Variants in DLGAP2 observed in about 807,000 individuals in gnomAD.
DLGAP2 encodes the protein disks large-associated protein 2.
DLGAP2 carries 26 observed loss-of-function variants against 100.3 expected under a neutral mutation model. The observed-to-expected ratio is 0.26, with a 90% CI of 0.19 to 0.36. The LOEUF is 0.36. Among genes scored for constraint, DLGAP2 ranks in the 10% least tolerant of loss-of-function variants. DLGAP2 has a pLI of 1.00. For synonymous variants in DLGAP2, 886 were observed against 630.1 expected, an observed-to-expected ratio of 1.41 and a Z score of -6.08; for missense variants, 1,858 against 1,453.2, an observed-to-expected ratio of 1.28 and a Z score of -4.53.
At chr8:1,322,907 A>G (rs145326027) in intron 3 of DLGAP2, among the ~76,000 whole-genome samples, 1 of 152,144 alleles carries the variant, frequency 6.6e-6, no homozygotes, top group East Asian at 1.9e-4. Context: ...CTATTATCGG[A>G]GTGTCTGCCT....
chr8:1,519,781 C>T (rs907430978), intron 4 of DLGAP2, among the ~76,000 whole-genome samples: 5 of 152,278 alleles, frequency 3.3e-5, no homozygotes, highest in African/African-American at 1.2e-4. Flanking sequence ...GGGGACCTGG[C>T]CCTGTGCTGC....
intron 1 of DLGAP2, among the ~76,000 whole-genome samples, chr8:746,674 C>T (rs1186398615): frequency 6.6e-6 from 1 of 152,230 alleles, no homozygotes; most frequent in African/African-American, 2.4e-5. Flanking sequence ...TTTTGATTTT[C>T]TGTTTTTGTT....
At chr8:1,603,197 C>A (rs10098115) in intron 6 of DLGAP2, among the ~76,000 whole-genome samples, 48,706 of 135,196 alleles carry the variant, frequency 0.36, 8,968 homozygotes, top group Non-Finnish European at 0.41. Context: ...GGCTGGGTCT[C>A]AGTTCTGCAG....
At chr8:1,488,374 C>A (rs1223264571) in intron 3 of DLGAP2, among the ~76,000 whole-genome samples, 1 of 152,150 alleles carries the variant, frequency 6.6e-6, no homozygotes, top group African/African-American at 2.4e-5. Context: ...TGGCAGGTCT[C>A]TTTTCCAAGC....
intron 2 of DLGAP2, among the ~76,000 whole-genome samples, chr8:1,187,742 C>G (rs1166210304): frequency 2.1e-5 from 3 of 142,142 alleles, no homozygotes; most frequent in Non-Finnish European, 4.5e-5. Context: ...CCGAGACTTC[C>G]GTGACGTTTC....
intron 2 of DLGAP2, among the ~76,000 whole-genome samples, chr8:1,210,631 C>G: frequency 6.6e-6 from 1 of 152,156 alleles, no homozygotes. Flanking sequence ...GGGCCTAGTT[C>G]CCTCTTGCCA....
intron 1 of DLGAP2, among the ~76,000 whole-genome samples, chr8:809,434 G>A (rs1796327704): frequency 6.7e-6 from 1 of 150,262 alleles, no homozygotes. Context: ...AACGTGCTTA[G>A]GGTAAGTACT....
rs539337091 is a variant in DLGAP2, at chr8:1,295,325, C to T, written c.106+36442C>T. ...TTGAAGATGACAGAGCCTTAAAAACCGAGCTTCCTGGTGACCGTGGGCCCG... is the reference window on the plus strand; with the variant it reads ...TTGAAGATGACAGAGCCTTAAAAACTGAGCTTCCTGGTGACCGTGGGCCCG... On this transcript the variant is annotated intron_variant, in intron 3 of 14. Transcript: ENST00000637795. 4.6e-5 allele frequency among the ~76,000 whole-genome samples: 7 copies of T among 152,340 alleles called. No individual in the cohort carries two copies. The East Asian group carries it at 9.6e-4, about 21-fold the overall frequency.
At chr8:1,126,807 C>T (rs540832558) in intron 2 of DLGAP2, among the ~76,000 whole-genome samples, 1 of 152,106 alleles carries the variant, frequency 6.6e-6, no homozygotes, top group South Asian at 2.1e-4. Flanking sequence ...TCTGGAGACT[C>T]CCACGGGCTC....
At chr8:943,423 G>A (rs771117939) in intron 2 of DLGAP2, among the ~76,000 whole-genome samples, 4 of 152,254 alleles carry the variant, frequency 2.6e-5, no homozygotes, top group Non-Finnish European at 5.9e-5. Context: ...TGCGGCACCC[G>A]CGTGTCTGGT....
At chr8:886,720 A>G (rs553912668) in intron 1 of DLGAP2, among the ~76,000 whole-genome samples, 3 of 152,318 alleles carry the variant, frequency 2.0e-5, no homozygotes, top group Admixed American at 6.5e-5. Context: ...ATTTGATTGC[A>G]CTGTGGTCTG....
At chr8:1,549,949 C>T (rs902878597) in intron 5 of DLGAP2, among the ~76,000 whole-genome samples, 3 of 152,152 alleles carry the variant, frequency 2.0e-5, no homozygotes, top group Non-Finnish European at 2.9e-5. Context: ...CTGCAGTTAC[C>T]GTGCTGGCCA....
chr8:1,009,026 A>G (rs112909023), intron 2 of DLGAP2, among the ~76,000 whole-genome samples: 2 of 152,114 alleles, frequency 1.3e-5, no homozygotes, highest in African/African-American at 4.8e-5. Context: ...CTTCCCACCC[A>G]TGGGATTTCC....
At chr8:1,150,650 A>T (rs1034793486) in intron 2 of DLGAP2, among the ~76,000 whole-genome samples, 1 of 152,266 alleles carries the variant, frequency 6.6e-6, no homozygotes, top group Non-Finnish European at 1.5e-5. Flanking sequence ...AGGATTGGAC[A>T]CTGCTCAACT....
chr8:1,370,018 T>A (rs1044875942), intron 3 of DLGAP2, among the ~76,000 whole-genome samples: 2 of 152,198 alleles, frequency 1.3e-5, no homozygotes, highest in African/African-American at 4.8e-5. Flanking sequence ...AGACCTGAGT[T>A]CAGCAGCATC....
chr8:1,540,933 C>T lies in DLGAP2; in HGVS notation c.173-7693C>T, dbSNP rs114752666. 6.2e-3 allele frequency among the ~76,000 whole-genome samples: 945 copies of T among 152,300 alleles called. 7 individuals are homozygous for T. Among genetic ancestry groups the T allele is most frequent in the African/African-American group, 0.02 (838 of 41,562 alleles). ...AACATTTAAATAAGAAAGTACAAAG[C>T]GGCTCCTGTGAGCACAGCAGCAGAA... On this transcript the variant is annotated intron_variant, in intron 4 of 14. Coordinates refer to ENST00000637795, the MANE Select transcript of DLGAP2 (RefSeq NM_001346810.2).
intron 8 of DLGAP2, among the ~76,000 whole-genome samples, chr8:1,641,265 A>G (rs1435256515): frequency 6.6e-6 from 1 of 152,226 alleles, no homozygotes; most frequent in Non-Finnish European, 1.5e-5. Context: ...CAGGAACTGC[A>G]TATGTAAGCC....
intron 7 of DLGAP2, among the ~76,000 whole-genome samples, chr8:1,627,253 T>TCTCAGCGGGTCAGAGGACCCG (rs1178697884): frequency 1.3e-5 from 2 of 152,204 alleles, no homozygotes; most frequent in Non-Finnish European, 2.9e-5. Context: ...GGCTCTCAGC[T>TCTCAGCGGGTCAGAGGACCCG]CTGTCCTCTG....
chr8:891,106 G>A (rs1798025049), intron 1 of DLGAP2: 1 of 151,816 alleles, frequency 6.6e-6, no homozygotes. Flanking sequence ...CAGAGGCTGT[G>A]AGGAATTCGG....
Sources: gnomAD v4.1 joint callset for allele counts (sites outside exome capture counted in the v4.1 genomes callset) on GRCh38, gnomAD v4.1.1 for gene constraint, MANE v1.5 for transcripts, NCBI Gene and HGNC (gene_info 2026-07-23, HGNC 2026-07-21) for gene names.